The following PGLYRP4 variants were observed in gnomAD, a reference collection of about 807,000 sequenced individuals.
PGLYRP4 encodes the protein peptidoglycan recognition protein 4.
In PGLYRP4, 39 loss-of-function variants were observed where a neutral mutation model predicts 41.2. The observed-to-expected ratio is 0.95, with a 90% CI of 0.73 to 1.24. The LOEUF (loss-of-function observed/expected upper bound fraction) is 1.24. Ranked by LOEUF, PGLYRP4 falls within the 50% of genes most tolerant of loss-of-function variation. PGLYRP4 has a pLI of 0.00. For synonymous variants in PGLYRP4, 202 were observed against 186.8 expected, an observed-to-expected ratio of 1.08 and a Z score of -0.66; for missense variants, 467 against 460.7, an observed-to-expected ratio of 1.01 and a Z score of -0.13.
chr1:153,335,463 G>A (rs1271574745), intron 8 of PGLYRP4, among the ~76,000 whole-genome samples: 1 of 152,178 alleles, frequency 6.6e-6, no homozygotes, highest in Non-Finnish European at 1.5e-5. Context: ...AATCATCAGA[G>A]AAATGCAAAT....
At chr1:153,340,011 C>T (rs568609153) in intron 7 of PGLYRP4, among the ~76,000 whole-genome samples, 7 of 152,306 alleles carry the variant, frequency 4.6e-5, no homozygotes, top group Non-Finnish European at 8.8e-5. Context: ...GAGCCCCAGC[C>T]TCTGAGTAGG....
chr1:153,346,671 G>C (rs73016415), intron 2 of PGLYRP4, among the ~76,000 whole-genome samples: 3,155 of 152,290 alleles, frequency 0.021, 117 homozygotes, highest in East Asian at 0.15. Context: ...AGGCCCATGG[G>C]GGATGGGCAG....
At chr1:153,346,056 A>C in intron 3 of PGLYRP4, 46 bp downstream of exon 3, 2 of 1,388,654 alleles carry the variant, frequency 1.4e-6, no homozygotes, top group South Asian at 2.3e-5. Flanking sequence ...CACATGAAAA[A>C]CCCCAGCTCG....
chr1:153,345,289 A>T lies in PGLYRP4; in HGVS notation c.233T>A (p.Val78Asp). ...CSIQLTTPVNVLVIHHVPGLE... is the reference protein window; with the variant it reads ...CSIQLTTPVNDLVIHHVPGLE... ...TCCAGGGACATGGTGTATAACAAGG[A>T]CATTCACTGGCGTGGTCAGCTGAAT... Residue 78 changes from valine (V) to aspartate (D), a missense_variant, in exon 4 of 9, where the codon GTC becomes GAC. Transcript: ENST00000359650. 1.9e-6 allele frequency: 3 copies of T among 1,614,144 alleles called. No homozygotes were observed. In the South Asian group the frequency reaches 3.3e-5, roughly 18 times the overall value.
In PGLYRP4 at chr1:153,343,148, C is replaced by T; in HGVS notation, c.414G>A (p.Val138=). ...AGATGTTGTTGTAGCCTTGGGTGTGCACTCCTTGGATATTCCAGCCAACAC... is the reference window on the plus strand; with the variant it reads ...AGATGTTGTTGTAGCCTTGGGTGTGTACTCCTTGGATATTCCAGCCAACAC... ...YEGVGWNIQG[V]HTQGYNNISL... is the part of the protein sequence containing the mutation. The change falls in exon 5 of 9, where the codon GTG becomes GTA. Residue 138 remains valine (V), a synonymous_variant. Coordinates refer to ENST00000359650, the MANE Select transcript of PGLYRP4 (RefSeq NM_020393.4). 2 of 1,613,968 alleles carry T rather than the reference C, an allele frequency of 1.2e-6. No homozygotes were observed. Among genetic ancestry groups the T allele is most frequent in the East Asian group, 2.2e-5 (1 of 44,878 alleles).
chr1:153,334,600 ATCAGTG>A (rs983224128), intron 8 of PGLYRP4, among the ~76,000 whole-genome samples: 18 of 151,714 alleles, frequency 1.2e-4, no homozygotes, highest in African/African-American at 3.9e-4. Flanking sequence ...GATTTGAAGG[ATCAGTG>A]TCATTAAAGT....
Position 153,340,681 on chromosome 1 carries a change from A to C in PGLYRP4, c.626-102T>G. ...AATGCTCAGGACCCTCAACTTCCCAAACCCCTCTGGGTCTCCCACCCTGCC... is the reference window on the plus strand; with the variant it reads ...AATGCTCAGGACCCTCAACTTCCCACACCCCTCTGGGTCTCCCACCCTGCC... On this transcript the variant is annotated intron_variant, in intron 6 of 8. Transcript: ENST00000359650. 6 of 1,200,704 alleles carry C rather than the reference A, an allele frequency of 5.0e-6. No homozygotes were observed. In the South Asian group the frequency reaches 5.8e-5, roughly 12 times the overall value. The allele number at this position is 1,200,704 out of a possible 1,614,324, so 74.4% of individuals were successfully genotyped here. A position where few individuals can be genotyped will look rare whatever the true frequency, so the allele number is the denominator to read the frequency against.
rs752882627 is a variant in PGLYRP4, at chr1:153,346,067, TCCCAAAAC to T, written c.139+27_139+34del. On this transcript the variant is annotated intron_variant, in intron 3 of 8. Transcript: ENST00000359650. ...CGATCACATGAAAAACCCCAGCTCG[TCCCAAAAC>T]CCCCTTACTATCCAGATCCAGTTTA... is the stretch of plus-strand genomic sequence containing the variant. The T allele has an allele frequency of 1.9e-5, 29 of 1,491,954 alleles. No individual in the cohort carries two copies. In the South Asian group the frequency reaches 2.9e-4, roughly 15 times the overall value. The allele number at this position is 1,491,954 out of a possible 1,614,324, so 92.4% of individuals were successfully genotyped here.
intron 7 of PGLYRP4, among the ~76,000 whole-genome samples, chr1:153,338,610 T>G (rs947455476): frequency 6.6e-6 from 1 of 152,190 alleles, no homozygotes; most frequent in African/African-American, 2.4e-5. Flanking sequence ...CACTCCTCTT[T>G]GACATCTATA....
At chr1:153,341,124 T>C (rs1225450218) in intron 6 of PGLYRP4, among the ~76,000 whole-genome samples, 3 of 152,142 alleles carry the variant, frequency 2.0e-5, no homozygotes, top group African/African-American at 7.2e-5. Flanking sequence ...GAAATGTGTG[T>C]TTGTGTGTGT....
chr1:153,346,259 G>C, intron 2 of PGLYRP4, 68 bp from the exon 3 acceptor site: 3 of 1,168,970 alleles, frequency 2.6e-6, no homozygotes, highest in Non-Finnish European at 3.9e-6. Context: ...CACCAGCTCT[G>C]AACAGAAACA....
At chr1:153,331,380 A>G (rs1329202363) in intron 8 of PGLYRP4, among the ~76,000 whole-genome samples, 1 of 149,154 alleles carries the variant, frequency 6.7e-6, no homozygotes, top group Non-Finnish European at 1.5e-5. Flanking sequence ...GAGCCAAAAT[A>G]TCAATTGTAC....
At chr1:153,333,979 A>G (rs112662714) in intron 8 of PGLYRP4, among the ~76,000 whole-genome samples, 1 of 152,268 alleles carries the variant, frequency 6.6e-6, no homozygotes, top group South Asian at 2.1e-4. Context: ...AGTTGAAAAC[A>G]TTCCCCCTAA....
intron 4 of PGLYRP4, chr1:153,344,877 A>T: frequency 3.7e-6 from 1 of 273,518 alleles, no homozygotes; most frequent in Admixed American, 4.7e-5. Flanking sequence ...CTCATGTATG[A>T]GGAAGTCGTT....
At chr1:153,345,438 C>A in intron 3 of PGLYRP4, 56 bp from the exon 4 acceptor site, 13 of 1,506,598 alleles carry the variant, frequency 8.6e-6, no homozygotes, top group Non-Finnish European at 1.2e-5. Context: ...GCCCGCCAAG[C>A]TGAACATGCA....
intron 8 of PGLYRP4, 118 bp downstream of exon 8, chr1:153,337,063 G>C: frequency 1.2e-6 from 1 of 822,162 alleles, no homozygotes; most frequent in South Asian, 1.4e-5. Context: ...TGGAAGCTGG[G>C]TCAATCAAGC....
Position 153,341,693 on chromosome 1 carries a change from CA to C in PGLYRP4, c.558del (p.Tyr186Ter). 1 of 1,613,938 alleles carries C rather than the reference CA, an allele frequency of 6.2e-7. No individual in the cohort carries two copies. Among genetic ancestry groups the C allele is most frequent in the Non-Finnish European group, 8.5e-7 (1 of 1,179,966 alleles). On this transcript the variant is annotated frameshift_variant, in exon 6 of 9. Coordinates refer to ENST00000359650, the MANE Select transcript of PGLYRP4 (RefSeq NM_020393.4). LOFTEE classifies it high-confidence loss of function. ...TCGCCTTTCCCAAGAAGTGGCTGAA[CA>C]TAACTGGATGACAGGTGGCCCTTCT... Reference protein sequence around the residue: ...AVQKGHLSSSYVQPLLGKGEN... With the variant: ...AVQKGHLSSSXVQPLLGKGEN...
intron 4 of PGLYRP4, 96 bp downstream of exon 4, chr1:153,345,073 C>A: frequency 1.1e-6 from 1 of 922,232 alleles, no homozygotes; most frequent in Admixed American, 2.0e-5. Flanking sequence ...AGGACCACAA[C>A]CCAGAAAATG....
chr1:153,347,059 C>T (rs544329768), intron 2 of PGLYRP4, among the ~76,000 whole-genome samples: 1 of 152,118 alleles, frequency 6.6e-6, no homozygotes, highest in African/African-American at 2.4e-5. Flanking sequence ...GGGATTTTTT[C>T]GTTTTGTTTT....
Sources: gnomAD v4.1 joint callset for allele counts (sites outside exome capture counted in the v4.1 genomes callset) on GRCh38, gnomAD v4.1.1 for gene constraint, MANE v1.5 for transcripts, NCBI Gene and HGNC (gene_info 2026-07-23, HGNC 2026-07-21) for gene names.